Variants in NLGN1 observed in about 807,000 individuals in gnomAD.
NLGN1 encodes the protein neuroligin 1, also known as neuroligin-1.
A neutral mutation model predicts 65.5 loss-of-function variants in NLGN1; 12 were observed. The observed-to-expected ratio is 0.18, with a 90% confidence interval of 0.12 to 0.30. NLGN1 has a LOEUF of 0.30. Ranked by LOEUF, NLGN1 falls within the 10% of genes least tolerant of loss-of-function variation. The probability of loss-of-function intolerance (pLI) is 1.00; values close to 1 mark genes in which losing one functional copy is unlikely to be tolerated. For synonymous variants in NLGN1, 350 were observed against 359.5 expected (o/e 0.97, Z 0.30); for missense variants, 750 against 1,007.1 (o/e 0.74, Z 3.46).
chr3:173,759,430 A>G (rs977200262), intron 3 of NLGN1, among the ~76,000 whole-genome samples: 2 of 152,046 alleles, frequency 1.3e-5, no homozygotes, highest in Non-Finnish European at 2.9e-5. Context: ...ACGTCTTTGT[A>G]CATAGCAGTG....
At chr3:173,441,700 CA>C (rs1233982128) in intron 2 of NLGN1, among the ~76,000 whole-genome samples, 20 of 152,126 alleles carry the variant, frequency 1.3e-4, no homozygotes, top group African/African-American at 4.3e-4. Flanking sequence ...ATCAACGTAA[CA>C]GATGTCATAA....
At chr3:173,719,852 C>G (rs1047978993) in intron 3 of NLGN1, among the ~76,000 whole-genome samples, 1 of 152,058 alleles carries the variant, frequency 6.6e-6, no homozygotes, top group African/African-American at 2.4e-5. Context: ...CAGTGGCTCA[C>G]GCCTGTAATC....
At chr3:174,070,337 G>GTTT (rs59115661) in intron 4 of NLGN1, among the ~76,000 whole-genome samples, 8 of 144,364 alleles carry the variant, frequency 5.5e-5, no homozygotes, top group African/African-American at 1.8e-4. Context: ...GACTTTTTGT[G>GTTT]TTTTTTTTTT....
At chr3:173,925,586 A>G (rs1742850057) in intron 4 of NLGN1, among the ~76,000 whole-genome samples, 1 of 152,178 alleles carries the variant, frequency 6.6e-6, no homozygotes, top group Non-Finnish European at 1.5e-5. Flanking sequence ...CTGGAAGAAT[A>G]CAATCCAATT....
chr3:173,648,981 T>A (rs977996742), intron 3 of NLGN1, among the ~76,000 whole-genome samples: 12 of 152,316 alleles, frequency 7.9e-5, no homozygotes, highest in African/African-American at 2.6e-4. Flanking sequence ...CCTTTATTTC[T>A]ATTAGTATGA....
chr3:173,475,343 AAAT>A (rs969354658), intron 2 of NLGN1, among the ~76,000 whole-genome samples: 3 of 152,146 alleles, frequency 2.0e-5, no homozygotes, highest in African/African-American at 7.2e-5. Context: ...CCTTTAAAAG[AAAT>A]AATAACTATA....
At chr3:174,200,477 T>C (rs1734229988) in intron 4 of NLGN1, among the ~76,000 whole-genome samples, 1 of 152,190 alleles carries the variant, frequency 6.6e-6, no homozygotes. Flanking sequence ...GAAGCTCTTT[T>C]TAAATGCTTT....
chr3:173,727,391 C>G (rs1771977843), intron 3 of NLGN1, among the ~76,000 whole-genome samples: 1 of 152,088 alleles, frequency 6.6e-6, no homozygotes, highest in Non-Finnish European at 1.5e-5. Context: ...ATTTATAAAG[C>G]ACATCTTTCA....
At chr3:173,425,801 C>T (rs1274860777) in intron 1 of NLGN1, among the ~76,000 whole-genome samples, 2 of 152,022 alleles carry the variant, frequency 1.3e-5, no homozygotes, top group Non-Finnish European at 2.9e-5. Context: ...CTCAGGACTA[C>T]TTTGACTATT....
chr3:173,424,832 C>T lies in NLGN1; in HGVS notation c.-389-10178C>T, dbSNP rs140257896. On this transcript the variant is annotated intron_variant, in intron 1 of 6. Transcript: ENST00000457714. Reference sequence around the variant, plus strand: ...CCTGCCTTCTGCTGAGCCCTACAAACGGTTCCAACCTCTGCCTGTTACCCA... The same window carrying T: ...CCTGCCTTCTGCTGAGCCCTACAAATGGTTCCAACCTCTGCCTGTTACCCA... Among the ~76,000 whole-genome samples the T allele has an allele frequency of 2.6e-3, 392 of 152,294 alleles. 1 individual carries two copies. The highest frequency in any genetic ancestry group is 8.6e-3 in the African/African-American group (359 of 41,568).
intron 4 of NLGN1, among the ~76,000 whole-genome samples, chr3:173,857,195 A>G (rs1231388675): frequency 2.6e-5 from 4 of 152,014 alleles, no homozygotes; most frequent in Non-Finnish European, 5.9e-5. Flanking sequence ...TAAGTCAAGC[A>G]GATAGAAGGT....
At chr3:173,990,559 C>G (rs1002550835) in intron 4 of NLGN1, among the ~76,000 whole-genome samples, 1 of 152,020 alleles carries the variant, frequency 6.6e-6, no homozygotes, top group Admixed American at 6.6e-5. Context: ...TTCAGAGGGT[C>G]TTAATCTATT....
intron 2 of NLGN1, among the ~76,000 whole-genome samples, chr3:173,504,217 G>A (rs1385945054): frequency 6.6e-6 from 1 of 151,986 alleles, no homozygotes; most frequent in African/African-American, 2.4e-5. Context: ...TTTATCTGCA[G>A]GCTATAGGTA....
intron 4 of NLGN1, among the ~76,000 whole-genome samples, chr3:174,014,190 TATAAAA>T (rs1333339933): frequency 2.0e-5 from 3 of 152,092 alleles, no homozygotes; most frequent in African/African-American, 4.8e-5. Flanking sequence ...CCGTGAAACA[TATAAAA>T]AGAAAAAATA....
intron 4 of NLGN1, among the ~76,000 whole-genome samples, chr3:173,942,918 G>T (rs984456597): frequency 1.7e-4 from 26 of 151,894 alleles, no homozygotes; most frequent in African/African-American, 6.0e-4. Flanking sequence ...TAACATATTG[G>T]TAGTCCTAAA....
chr3:174,199,388 G>A (rs1165459975), intron 4 of NLGN1, among the ~76,000 whole-genome samples: 2 of 151,644 alleles, frequency 1.3e-5, no homozygotes, highest in African/African-American at 4.9e-5. Context: ...CAGTAATAAT[G>A]GTAATAGTAG....
exon 7 of NLGN1, chr3:174,282,256 T>C (rs1196912624): frequency 6.6e-6 from 1 of 152,230 alleles, no homozygotes; most frequent in Non-Finnish European, 1.5e-5. Flanking sequence ...GTACAGGATC[T>C]ATAAGTTGCT....
At chr3:173,454,210 T>C (rs1722128806) in intron 2 of NLGN1, among the ~76,000 whole-genome samples, 1 of 152,226 alleles carries the variant, frequency 6.6e-6, no homozygotes, top group Non-Finnish European at 1.5e-5. Flanking sequence ...ACAGGTGTTC[T>C]GTCCTGCATG....
intron 1 of NLGN1, among the ~76,000 whole-genome samples, chr3:173,406,737 T>C (rs2148629387): frequency 6.6e-6 from 1 of 152,018 alleles, no homozygotes; most frequent in East Asian, 1.9e-4. Flanking sequence ...TTGCCACTGC[T>C]CTTAAGTGGT....
Sources: allele counts gnomAD v4.1 joint callset (sites outside exome capture counted in the v4.1 genomes callset), GRCh38; gene constraint gnomAD v4.1.1; transcripts MANE v1.5; gene names NCBI Gene and HGNC (gene_info 2026-07-23, HGNC 2026-07-21).